The following ADGRL3 variants were observed in gnomAD, a reference collection of about 807,000 sequenced individuals.
ADGRL3 encodes the protein calcium-independent alpha-latrotoxin receptor 3.
ADGRL3 carries 62 observed loss-of-function variants against 153.5 expected under a neutral mutation model. The ratio of observed to expected loss-of-function variants is 0.40; its 90% confidence interval spans 0.33 to 0.50. The LOEUF (loss-of-function observed/expected upper bound fraction) is 0.50. Among genes scored for constraint, ADGRL3 ranks in the 20% least tolerant of loss-of-function variants. The pLI is 0.47. For missense variants in ADGRL3, 1,641 were observed against 1,859.4 expected, an observed-to-expected ratio of 0.88 and a Z score of 2.16; for synonymous variants, 710 against 672.5, an observed-to-expected ratio of 1.06 and a Z score of -0.86.
intron 5 of ADGRL3, among the ~76,000 whole-genome samples, chr4:61,658,784 G>T (rs1384864177): frequency 6.6e-6 from 1 of 151,968 alleles, no homozygotes. Context: ...ATTGACACTT[G>T]TCCCTTAACA....
intron 9 of ADGRL3, among the ~76,000 whole-genome samples, chr4:61,833,300 G>A (rs949296152): frequency 6.6e-6 from 1 of 152,120 alleles, no homozygotes; most frequent in Non-Finnish European, 1.5e-5. Context: ...CACCCAATGG[G>A]TTCACCTTGC....
At chr4:61,951,521 C>T (rs184118885) in intron 17 of ADGRL3, among the ~76,000 whole-genome samples, 4 of 152,294 alleles carry the variant, frequency 2.6e-5, no homozygotes, top group Admixed American at 2.6e-4. Context: ...CAATGTTAGA[C>T]AGATTATTCC....
intron 1 of ADGRL3, among the ~76,000 whole-genome samples, chr4:61,242,363 A>G (rs1359028030): frequency 6.6e-6 from 1 of 152,054 alleles, no homozygotes; most frequent in Non-Finnish European, 1.5e-5. Flanking sequence ...CTCCCAGACC[A>G]ATTAAGTTGT....
At chr4:61,583,374 T>G (rs990421237) in intron 4 of ADGRL3, among the ~76,000 whole-genome samples, 7 of 151,784 alleles carry the variant, frequency 4.6e-5, no homozygotes, top group Non-Finnish European at 8.8e-5. Context: ...AAGCACCAAA[T>G]AGGCTTATCA....
intron 12 of ADGRL3, among the ~76,000 whole-genome samples, 187 bp from the exon 13 acceptor site, chr4:61,912,532 G>C (rs2098726475): frequency 6.6e-6 from 1 of 152,118 alleles, no homozygotes; most frequent in African/African-American, 2.4e-5. Context: ...AAGGATGTTG[G>C]CTACTATTTT....
intron 1 of ADGRL3, among the ~76,000 whole-genome samples, chr4:61,310,232 T>C (rs1183420855): frequency 6.6e-6 from 1 of 151,692 alleles, no homozygotes; most frequent in African/African-American, 2.4e-5. Context: ...TAAATGAAAA[T>C]ATATAAAATG....
intron 16 of ADGRL3, 67 bp downstream of exon 16, chr4:61,947,189 T>C: frequency 2.5e-6 from 3 of 1,219,918 alleles, no homozygotes; most frequent in East Asian, 4.8e-5. Context: ...GAACATTAAG[T>C]GTATTAATTT....
intron 2 of ADGRL3, among the ~76,000 whole-genome samples, chr4:61,392,484 G>A (rs1362180277): frequency 6.6e-6 from 1 of 151,064 alleles, no homozygotes; most frequent in African/African-American, 2.4e-5. Context: ...TCAGGAGATC[G>A]AGACCATCCT....
At chr4:61,795,300 ATTTT>A (rs1031156551) in intron 8 of ADGRL3, among the ~76,000 whole-genome samples, 1 of 151,900 alleles carries the variant, frequency 6.6e-6, no homozygotes, top group Non-Finnish European at 1.5e-5. Flanking sequence ...GCTAATATTT[ATTTT>A]TGTGTGTAGA....
chr4:61,374,772 C>A (rs1190699107), intron 1 of ADGRL3, among the ~76,000 whole-genome samples: 3 of 151,916 alleles, frequency 2.0e-5, no homozygotes, highest in Non-Finnish European at 4.4e-5. Context: ...GCTTTTTAAT[C>A]CCACATTCTG....
At chr4:61,232,227 G>A (rs1376614294) in intron 1 of ADGRL3, among the ~76,000 whole-genome samples, 1 of 151,986 alleles carries the variant, frequency 6.6e-6, no homozygotes, top group Non-Finnish European at 1.5e-5. Context: ...CTATCCAAGT[G>A]CTCTGAAGAG....
intron 5 of ADGRL3, among the ~76,000 whole-genome samples, chr4:61,628,024 C>T (rs937164733): frequency 2.0e-5 from 3 of 151,960 alleles, no homozygotes; most frequent in Non-Finnish European, 2.9e-5. Flanking sequence ...AGTAACTCTC[C>T]TTGGAGTTAA....
At chr4:61,637,846 A>G (rs983275754) in intron 5 of ADGRL3, among the ~76,000 whole-genome samples, 1 of 152,198 alleles carries the variant, frequency 6.6e-6, no homozygotes, top group Non-Finnish European at 1.5e-5. Flanking sequence ...AGGCAAAAAG[A>G]AGGAACAAAG....
chr4:61,422,798 TATAA>T (rs2097221788), intron 2 of ADGRL3, among the ~76,000 whole-genome samples: 1 of 151,288 alleles, frequency 6.6e-6, no homozygotes. Context: ...CAAGAATATA[TATAA>T]ATAGATAAAA....
chr4:61,837,658 T>C (rs1057222400), intron 9 of ADGRL3, among the ~76,000 whole-genome samples: 3 of 152,194 alleles, frequency 2.0e-5, no homozygotes, highest in Admixed American at 2.0e-4. Context: ...TTTTAGAAGT[T>C]CTGTTTTTAG....
At chr4:61,985,840 G>A (rs1422079181) in intron 19 of ADGRL3, among the ~76,000 whole-genome samples, 3 of 150,812 alleles carry the variant, frequency 2.0e-5, no homozygotes, top group African/African-American at 7.3e-5. Context: ...TCAACTTTGT[G>A]AATTGTAATC....
chr4:61,720,072 C>T (rs961317923), intron 6 of ADGRL3, among the ~76,000 whole-genome samples: 1 of 145,586 alleles, frequency 6.9e-6, no homozygotes, highest in Non-Finnish European at 1.5e-5. Context: ...GATTCTTTAG[C>T]AAAACTCAGA....
intron 9 of ADGRL3, among the ~76,000 whole-genome samples, chr4:61,852,327 T>C (rs1301636677): frequency 6.6e-6 from 1 of 151,874 alleles, no homozygotes; most frequent in African/African-American, 2.4e-5. Context: ...TATTTTATTA[T>C]TTTTTGAGAC....
chr4:61,486,237 C>A (rs1579125739), intron 2 of ADGRL3, among the ~76,000 whole-genome samples: 1 of 152,122 alleles, frequency 6.6e-6, no homozygotes, highest in Admixed American at 6.5e-5. Flanking sequence ...AGCCACCATA[C>A]CCGGCTATGG....
Sources: allele counts gnomAD v4.1 joint callset (sites outside exome capture counted in the v4.1 genomes callset), GRCh38; gene constraint gnomAD v4.1.1; transcripts MANE v1.5; gene names NCBI Gene and HGNC (gene_info 2026-07-23, HGNC 2026-07-21).